Variants in IQSEC1 observed in about 807,000 individuals in gnomAD.
The protein encoded by IQSEC1 is IQ motif and Sec7 domain ArfGEF 1.
A neutral mutation model predicts 91.0 loss-of-function variants in IQSEC1; 31 were observed. The ratio of observed to expected loss-of-function variants is 0.34; its 90% CI spans 0.26 to 0.46. The LOEUF (loss-of-function observed/expected upper bound fraction) is 0.46. IQSEC1 is among the 20% of genes least tolerant of loss of function. The pLI is 1.00. For synonymous variants in IQSEC1, 699 were observed against 662.6 expected (o/e 1.05, Z -0.84); for missense variants, 1,388 against 1,575.6 (o/e 0.88, Z 2.02).
At chr3:13,171,508 C>T (rs185089204) in intron 1 of IQSEC1, among the ~76,000 whole-genome samples, 1 of 152,138 alleles carries the variant, frequency 6.6e-6, no homozygotes, top group Non-Finnish European at 1.5e-5. Context: ...CACTTCTACA[C>T]CCCCAGGCCA....
chr3:12,939,237 G>A (rs890811233), intron 2 of IQSEC1, among the ~76,000 whole-genome samples: 30 of 152,354 alleles, frequency 2.0e-4, no homozygotes, highest in South Asian at 1.0e-3. Flanking sequence ...AGTCGACCCC[G>A]TGGCCAGGGC....
intron 1 of IQSEC1, among the ~76,000 whole-genome samples, chr3:13,190,430 G>C (rs1694002485): frequency 6.6e-6 from 1 of 152,064 alleles, no homozygotes; most frequent in Non-Finnish European, 1.5e-5. Context: ...AAATTAGCCA[G>C]GCATGGTCCC....
chr3:13,043,662 ACAAG>A (rs762546753), intron 1 of IQSEC1, among the ~76,000 whole-genome samples: 4 of 152,196 alleles, frequency 2.6e-5, no homozygotes, highest in Non-Finnish European at 4.4e-5. Context: ...TCTCCTGACT[ACAAG>A]CAACGACTCC....
chr3:13,072,765 C>G (rs902231620), intron 1 of IQSEC1, among the ~76,000 whole-genome samples: 1 of 152,248 alleles, frequency 6.6e-6, no homozygotes, highest in Non-Finnish European at 1.5e-5. Flanking sequence ...ATTTCACAGC[C>G]TGCTGAAGAC....
chr3:13,039,831 C>T (rs1236777475), intron 1 of IQSEC1, among the ~76,000 whole-genome samples: 1 of 152,244 alleles, frequency 6.6e-6, no homozygotes, highest in African/African-American at 2.4e-5. Flanking sequence ...ATGTCATTTG[C>T]CAGGGTGGAC....
At chr3:12,919,775 CACACAGGGG>C (rs1205087989) in intron 6 of IQSEC1, among the ~76,000 whole-genome samples, 1 of 152,348 alleles carries the variant, frequency 6.6e-6, no homozygotes, top group East Asian at 1.9e-4. Context: ...GACCCTGGGG[CACACAGGGG>C]ACACACTGGG....
At chr3:12,948,430 C>T (rs374736115) in intron 1 of IQSEC1, among the ~76,000 whole-genome samples, 2 of 152,220 alleles carry the variant, frequency 1.3e-5, no homozygotes, top group Admixed American at 6.5e-5. Context: ...ACACCTTCCA[C>T]TGGCCTGTTC....
intron 1 of IQSEC1, among the ~76,000 whole-genome samples, chr3:12,973,723 T>G (rs1194573791): frequency 6.6e-6 from 1 of 152,196 alleles, no homozygotes; most frequent in Non-Finnish European, 1.5e-5. Context: ...ATACACCTAC[T>G]GTGTACCCAC....
At chr3:13,174,536 C>T (rs933389792) in intron 1 of IQSEC1, among the ~76,000 whole-genome samples, 1 of 152,160 alleles carries the variant, frequency 6.6e-6, no homozygotes, top group Non-Finnish European at 1.5e-5. Flanking sequence ...GCTGTCATGT[C>T]GCTCTGTATC....
rs1157207401 is a variant in IQSEC1 at position 12,902,656 on chromosome 3, A to C, written c.2805+117T>G. On this transcript the variant is annotated intron_variant, in intron 13 of 13. Transcript: ENST00000613206. ...GGAAGGAAAAGCCAAAAAAAAAAAC[A>C]ACAAAAAAAAAACCAAAAAAAAAAA... 1.1e-4 allele frequency: 56 copies of C among 511,830 alleles called. 1 individual carries two copies. The highest frequency in any genetic ancestry group is 5.6e-4 in the South Asian group (27 of 48,646). 31.7% of individuals were successfully genotyped at this position (511,830 alleles called of 1,614,324 possible).
At chr3:13,165,705 C>A (rs797013945) in intron 1 of IQSEC1, among the ~76,000 whole-genome samples, 118 of 152,118 alleles carry the variant, frequency 7.8e-4, no homozygotes, top group African/African-American at 2.5e-3. Flanking sequence ...CTGCCACCAA[C>A]CATGAGTGTG....
chr3:13,005,406 G>A (rs985703886), intron 1 of IQSEC1, among the ~76,000 whole-genome samples: 12 of 152,164 alleles, frequency 7.9e-5, no homozygotes, highest in Non-Finnish European at 1.3e-4. Flanking sequence ...AGTGTTACTG[G>A]CCTGCCTGCC....
intron 2 of IQSEC1, among the ~76,000 whole-genome samples, chr3:12,938,570 T>C (rs1698447100): frequency 6.6e-6 from 1 of 152,176 alleles, no homozygotes; most frequent in African/African-American, 2.4e-5. Context: ...AGAAATGACC[T>C]CACTTCCACA....
At chr3:13,081,532 G>A (rs941907796) in intron 2 of IQSEC1, among the ~76,000 whole-genome samples, 3 of 152,158 alleles carry the variant, frequency 2.0e-5, no homozygotes, top group Non-Finnish European at 2.9e-5. Flanking sequence ...GCCTCCCAAA[G>A]TGTTAGGATT....
chr3:12,900,824 A>G lies in IQSEC1; in HGVS notation c.*159T>C. On this transcript the variant is annotated 3_prime_UTR_variant, in exon 14 of 14. Transcript: ENST00000613206. Reference sequence around the variant, plus strand: ...CTGGGCCTTTGTTCCACACAACACCAGCCCTGTGGGCTCCTGGGGCTCCGG... The same window carrying G: ...CTGGGCCTTTGTTCCACACAACACCGGCCCTGTGGGCTCCTGGGGCTCCGG... The G allele has an allele frequency of 6.7e-7, 1 of 1,500,256 alleles. No homozygotes were observed. The highest frequency in any genetic ancestry group is 2.5e-5 in the East Asian group (1 of 40,654). The allele number at this position is 1,500,256 out of a possible 1,614,324, so 92.9% of individuals were successfully genotyped here.
At chr3:13,283,252 C>A in exon 1 of IQSEC1, among the ~76,000 whole-genome samples, 1 of 151,160 alleles carries the variant, frequency 6.6e-6, no homozygotes, top group African/African-American at 2.4e-5. Context: ...AGGAGTTTTG[C>A]AAAGTGCCGG....
intron 2 of IQSEC1, among the ~76,000 whole-genome samples, chr3:13,153,479 G>A (rs1209548639): frequency 6.6e-6 from 1 of 152,184 alleles, no homozygotes; most frequent in Non-Finnish European, 1.5e-5. Flanking sequence ...GAGACCCAGA[G>A]CAAAGTGCAC....
rs1695125077 is a variant in IQSEC1 at position 13,247,327 on chromosome 3, A to G, written c.272+35384T>C. Among the ~76,000 whole-genome samples the G allele has an allele frequency of 3.9e-5, 6 of 152,256 alleles. 1 individual carries two copies. The South Asian group carries it at 1.2e-3, about 32-fold the overall frequency. On this transcript the variant is annotated intron_variant, in intron 1 of 15. Coordinates refer to the IQSEC1 transcript ENST00000648114. ...TTCTGTTCCCATCTCATAACATGAC[A>G]ATCTGAAAGTCTGTCCGGCTGTCAT...
In IQSEC1 at chr3:12,941,556, G is replaced by A. The variant is rs1190552522; in HGVS notation, c.318+15C>T. The A allele has an allele frequency of 1.3e-6, 2 of 1,543,892 alleles. No individual in the cohort carries two copies. The highest frequency in any genetic ancestry group is 2.3e-5 in the East Asian group (1 of 42,902). On this transcript the variant is annotated intron_variant, in intron 2 of 13. Transcript: ENST00000613206. ...TGCGCTTGCATGTGTGGCCTGAGGG[G>A]CTGTGCTCTCCTACCTGCTTGTCCT...
Sources: gnomAD v4.1 joint callset for allele counts (sites outside exome capture counted in the v4.1 genomes callset) on GRCh38, gnomAD v4.1.1 for gene constraint, MANE v1.5 for transcripts, NCBI Gene and HGNC (gene_info 2026-07-23, HGNC 2026-07-21) for gene names.